The following RBFOX1 variants were observed in gnomAD, a reference collection of about 807,000 sequenced individuals.
The protein encoded by RBFOX1 is RNA binding fox-1 homolog 1, also known as RNA binding protein fox-1 homolog 1.
A neutral mutation model predicts 57.7 loss-of-function variants in RBFOX1; 8 were observed. The ratio of observed to expected loss-of-function variants is 0.14; its 90% CI spans 0.08 to 0.25. The LOEUF is 0.25. RBFOX1 is among the 10% of genes least tolerant of loss of function. The probability of loss-of-function intolerance (pLI) is 1.00; values close to 1 mark genes in which losing one functional copy is unlikely to be tolerated. For synonymous variants in RBFOX1, 326 were observed against 222.4 expected (o/e 1.47, Z -4.15); for missense variants, 611 against 548.5 (o/e 1.11, Z -1.14).
chr16:6,329,354 G>C (rs1022997186), intron 2 of RBFOX1, among the ~76,000 whole-genome samples: 4 of 152,184 alleles, frequency 2.6e-5, no homozygotes, highest in African/African-American at 9.7e-5. Context: ...GAGAAAACTG[G>C]AACTGGAAGA....
intron 4 of RBFOX1, among the ~76,000 whole-genome samples, chr16:7,391,959 C>T (rs1261145951): frequency 6.6e-6 from 1 of 152,238 alleles, no homozygotes; most frequent in Admixed American, 6.5e-5. Flanking sequence ...TAAACTGTCA[C>T]TGATTACTTG....
At chr16:5,555,029 C>T (rs1231666286) in intron 2 of RBFOX1, among the ~76,000 whole-genome samples, 3 of 152,086 alleles carry the variant, frequency 2.0e-5, no homozygotes, top group African/African-American at 4.8e-5. Flanking sequence ...ACTCTGACAA[C>T]CAAATCCCAG....
At chr16:6,505,756 A>T (rs989881034) in intron 2 of RBFOX1, among the ~76,000 whole-genome samples, 2 of 152,238 alleles carry the variant, frequency 1.3e-5, no homozygotes, top group Admixed American at 6.5e-5. Flanking sequence ...GAGAAATCAC[A>T]TACGTAAGAG....
chr16:5,993,340 CGT>C (rs58189800), intron 4 of RBFOX1, among the ~76,000 whole-genome samples: 2,575 of 132,784 alleles, frequency 0.019, 43 homozygotes, highest in East Asian at 0.048. Flanking sequence ...TAATGCTGTA[CGT>C]GTGTGTGTGT....
At chr16:5,508,374 G>T (rs1246123075) in intron 2 of RBFOX1, among the ~76,000 whole-genome samples, 1 of 152,182 alleles carries the variant, frequency 6.6e-6, no homozygotes, top group South Asian at 2.1e-4. Context: ...GCCACTTGTT[G>T]CATCCCAGCT....
At chr16:5,339,608 G>A (rs1373244591) in intron 1 of RBFOX1, among the ~76,000 whole-genome samples, 1 of 149,850 alleles carries the variant, frequency 6.7e-6, no homozygotes, top group African/African-American at 2.5e-5. Flanking sequence ...TCACCTTCCT[G>A]AGGAGGATTA....
chr16:5,419,061 T>C (rs2067240003), intron 1 of RBFOX1, among the ~76,000 whole-genome samples: 1 of 152,120 alleles, frequency 6.6e-6, no homozygotes, highest in Non-Finnish European at 1.5e-5. Flanking sequence ...GCTGGAGCAA[T>C]GACAGACCAG....
At chr16:5,446,772 C>T (rs375013658) in intron 1 of RBFOX1, among the ~76,000 whole-genome samples, 42 of 152,242 alleles carry the variant, frequency 2.8e-4, no homozygotes, top group African/African-American at 6.3e-4. Flanking sequence ...CCATCCCCAC[C>T]GCCAAGATGA....
At chr16:6,843,303 G>A (rs1156295864) in intron 3 of RBFOX1, among the ~76,000 whole-genome samples, 1 of 152,046 alleles carries the variant, frequency 6.6e-6, no homozygotes, top group Non-Finnish European at 1.5e-5. Context: ...AGTGGCCATG[G>A]TGGTCTTCTG....
rs1047093426 is a variant in RBFOX1, at chr16:6,415,464, A to T, written c.-64+98407A>T. Among the ~76,000 whole-genome samples, 40 of 151,404 alleles carry T rather than the reference A, an allele frequency of 2.6e-4. No homozygotes were observed. In the East Asian group the frequency reaches 3.5e-3, roughly 13 times the overall value. Reference sequence around the variant, plus strand: ...TAATCACAGCAGGGAGAGATTTGGGAGGTCGAGGAGGGCGGATCACGAGGT... The same window carrying T: ...TAATCACAGCAGGGAGAGATTTGGGTGGTCGAGGAGGGCGGATCACGAGGT... On this transcript the variant is annotated intron_variant, in intron 2 of 15. Transcript: ENST00000550418.
At chr16:7,223,509 C>G (rs1366616298) in intron 4 of RBFOX1, among the ~76,000 whole-genome samples, 10 of 152,090 alleles carry the variant, frequency 6.6e-5, no homozygotes, top group Non-Finnish European at 1.0e-4. Context: ...AAGTGCTTTA[C>G]CTGTGGAAGT....
rs553292696 is a variant in RBFOX1, at chr16:7,218,006, GTGTT to G, written c.27+165912_27+165915del. On this transcript the variant is annotated intron_variant, in intron 4 of 15. Transcript: ENST00000550418. ...CATGTGCATGTGTGCACGTGCATGT[GTGTT>G]TGTACGTGTGTGGGGTGTGTGCGCG... Among the ~76,000 whole-genome samples, 23 of 151,642 alleles carry G rather than the reference GTGTT, an allele frequency of 1.5e-4. 1 individual carries two copies. The highest frequency in any genetic ancestry group is 3.6e-4 in the African/African-American group (15 of 41,334).
intron 1 of RBFOX1, among the ~76,000 whole-genome samples, chr16:6,069,227 C>T (rs975423924): frequency 9.2e-5 from 14 of 151,918 alleles, no homozygotes; most frequent in African/African-American, 2.9e-4. Context: ...GGAGAAACCC[C>T]GTTTCTACCA....
At chr16:7,269,606 T>C (rs2095267495) in intron 4 of RBFOX1, among the ~76,000 whole-genome samples, 1 of 152,214 alleles carries the variant, frequency 6.6e-6, no homozygotes, top group Admixed American at 6.5e-5. Context: ...GGAAATTACA[T>C]GTAATGATTC....
At chr16:5,938,277 C>T (rs893230559) in intron 4 of RBFOX1, among the ~76,000 whole-genome samples, 9 of 152,108 alleles carry the variant, frequency 5.9e-5, no homozygotes, top group Non-Finnish European at 1.0e-4. Flanking sequence ...ACTAACTGTC[C>T]CATGACCTGA....
At chr16:5,751,255 C>A (rs952612499) in intron 3 of RBFOX1, among the ~76,000 whole-genome samples, 3 of 152,134 alleles carry the variant, frequency 2.0e-5, no homozygotes, top group Non-Finnish European at 2.9e-5. Context: ...TATGAAGTTT[C>A]TTCTCAGCTC....
intron 2 of RBFOX1, among the ~76,000 whole-genome samples, chr16:5,519,831 T>C (rs1405234936): frequency 6.6e-6 from 1 of 152,230 alleles, no homozygotes; most frequent in Non-Finnish European, 1.5e-5. Context: ...TTAAAACTTA[T>C]CTAGAGGCTC....
At chr16:6,914,921 C>A (rs1474165504) in intron 3 of RBFOX1, among the ~76,000 whole-genome samples, 1 of 152,194 alleles carries the variant, frequency 6.6e-6, no homozygotes, top group Non-Finnish European at 1.5e-5. Flanking sequence ...TTGAGACAGC[C>A]CTCACTCACA....
At chr16:6,739,406 A>C (rs1370106780) in intron 3 of RBFOX1, among the ~76,000 whole-genome samples, 1 of 152,102 alleles carries the variant, frequency 6.6e-6, no homozygotes, top group Non-Finnish European at 1.5e-5. Flanking sequence ...ACTGCAATTC[A>C]CCCAATATGC....
Sources: gnomAD v4.1 joint callset for allele counts (sites outside exome capture counted in the v4.1 genomes callset) on GRCh38, gnomAD v4.1.1 for gene constraint, MANE v1.5 for transcripts, NCBI Gene and HGNC (gene_info 2026-07-23, HGNC 2026-07-21) for gene names.